KIZ: variants seen among roughly 807,000 people sequenced by gnomAD.
KIZ encodes kizuna centrosomal protein.
A neutral mutation model predicts 79.6 loss-of-function variants in KIZ; 68 were observed. That is an observed-to-expected ratio of 0.85 (90% confidence interval 0.70 to 1.05). The LOEUF (loss-of-function observed/expected upper bound fraction) is 1.05, where lower values mean the gene tolerates loss of function less well. Among genes scored for constraint, KIZ ranks in the 50% least tolerant of loss-of-function variants. The probability of loss-of-function intolerance (pLI) is 0.00; values close to 1 mark genes in which losing one functional copy is unlikely to be tolerated. For synonymous variants in KIZ, 280 were observed against 281.8 expected, an observed-to-expected ratio of 0.99 and a Z score of 0.06; for missense variants, 797 against 800.4, an observed-to-expected ratio of 1.00 and a Z score of 0.05.
chr20:21,174,596 C>G (rs539659776), intron 6 of KIZ, among the ~76,000 whole-genome samples: 24 of 152,318 alleles, frequency 1.6e-4, no homozygotes, highest in African/African-American at 4.1e-4. Context: ...TTTCCAACCT[C>G]AAATAGGCCA....
intron 3 of KIZ, among the ~76,000 whole-genome samples, chr20:21,141,246 C>T (rs114251967): frequency 0.021 from 3,265 of 151,916 alleles, 111 homozygotes; most frequent in African/African-American, 0.073. Context: ...AGGGATTTGA[C>T]GGTAAGTGGT....
chr20:21,130,319 T>G (rs1172129097), intron 1 of KIZ, among the ~76,000 whole-genome samples: 1 of 152,206 alleles, frequency 6.6e-6, no homozygotes. Flanking sequence ...AGTCGTGCTT[T>G]CTTAGGAATA....
chr20:21,227,520 A>C (rs958339572), intron 9 of KIZ, among the ~76,000 whole-genome samples: 3 of 152,122 alleles, frequency 2.0e-5, no homozygotes, highest in African/African-American at 7.2e-5. Flanking sequence ...TTTTTGGTTG[A>C]TTTTTATAAA....
rs2122310799 is a variant in KIZ, at chr20:21,132,138, A to G, written c.131A>G (p.Tyr44Cys). 1.4e-6 allele frequency: 2 copies of G among 1,472,888 alleles called. No individual in the cohort carries two copies. The highest frequency in any genetic ancestry group is 1.9e-6 in the Non-Finnish European group (2 of 1,080,948). The allele number at this position is 1,472,888 out of a possible 1,614,324, so 91.2% of individuals were successfully genotyped here. The change falls in exon 2 of 13, where the codon TAT (tyrosine) becomes TGT (cysteine). Residue 44 changes from tyrosine (Y) to cysteine (C), a missense_variant. Transcript: ENST00000619189. The stretch of plus-strand genomic sequence containing the variant: ...GACCTGGAAAAGAAACTTTATGAAT[A>G]TAATCAGTCTGATACATGCAGGTAA... Reference protein sequence around the residue: ...RLDLEKKLYEYNQSDTCRVKL... With the variant: ...RLDLEKKLYECNQSDTCRVKL...
At chr20:21,134,481 C>T (rs1210282402) in intron 2 of KIZ, among the ~76,000 whole-genome samples, 6 of 152,062 alleles carry the variant, frequency 3.9e-5, no homozygotes, top group Admixed American at 3.9e-4. Context: ...TTCATACAAA[C>T]CCTTAAAGCA....
intron 6 of KIZ, among the ~76,000 whole-genome samples, chr20:21,191,370 A>G (rs1447120508): frequency 1.3e-5 from 2 of 152,260 alleles, no homozygotes; most frequent in Admixed American, 6.5e-5. Flanking sequence ...AACTGCTTAT[A>G]AATAAATATT....
intron 4 of KIZ, among the ~76,000 whole-genome samples, chr20:21,156,380 A>T (rs1345561270): frequency 1.3e-5 from 2 of 152,234 alleles, no homozygotes; most frequent in Non-Finnish European, 2.9e-5. Flanking sequence ...ATGGTATTAC[A>T]TTGTTATCAG....
At chr20:21,131,844 G>A (rs1169464023) in intron 1 of KIZ, 1 of 324,874 alleles carries the variant, frequency 3.1e-6, no homozygotes, top group African/African-American at 2.2e-5. Context: ...TCTCCTATTG[G>A]TGTTCGTTTT....
intron 6 of KIZ, among the ~76,000 whole-genome samples, chr20:21,174,529 A>C (rs1361809037): frequency 6.6e-6 from 1 of 152,212 alleles, no homozygotes; most frequent in Non-Finnish European, 1.5e-5. Flanking sequence ...GAAAAAAGAA[A>C]AGAAAACTAA....
At chr20:21,180,234 GCTC>G (rs1201585065) in intron 6 of KIZ, among the ~76,000 whole-genome samples, 7 of 140,978 alleles carry the variant, frequency 5.0e-5, no homozygotes, top group Non-Finnish European at 7.7e-5. Flanking sequence ...TTTGCTCTTT[GCTC>G]CTTTTTTTTT....
At chr20:21,244,343 C>T (rs2037319993) in intron 12 of KIZ, 55 bp downstream of exon 12, 3 of 1,243,840 alleles carry the variant, frequency 2.4e-6, no homozygotes, top group Non-Finnish European at 3.5e-6. Context: ...CCAAAAAACT[C>T]TGTGACATGC....
chr20:21,231,061 T>C (rs966693504), intron 10 of KIZ, among the ~76,000 whole-genome samples: 1 of 152,176 alleles, frequency 6.6e-6, no homozygotes, highest in South Asian at 2.1e-4. Context: ...GGCTGGGCAC[T>C]GTGGCTCACA....
intron 4 of KIZ, chr20:21,158,706 T>C (rs1202278925): frequency 1.3e-5 from 2 of 152,148 alleles, no homozygotes; most frequent in Non-Finnish European, 2.9e-5. Context: ...ATCATGGAGG[T>C]GGAACTTCCT....
chr20:21,221,988 C>G (rs534725785), intron 9 of KIZ, among the ~76,000 whole-genome samples: 3 of 152,300 alleles, frequency 2.0e-5, no homozygotes, highest in Non-Finnish European at 4.4e-5. Context: ...ACGGGAAACC[C>G]CCAGCTTGTG....
intron 9 of KIZ, among the ~76,000 whole-genome samples, chr20:21,223,090 G>A (rs1198430098): frequency 1.3e-5 from 2 of 152,148 alleles, no homozygotes; most frequent in African/African-American, 4.8e-5. Context: ...ATAAATCATT[G>A]AGTACAAATG....
In KIZ at chr20:21,126,173, C is replaced by T; in HGVS notation, c.58C>T (p.Leu20=). 1 of 1,502,906 alleles carries T rather than the reference C, an allele frequency of 6.7e-7. No homozygotes were observed. The highest frequency in any genetic ancestry group is 8.9e-7 in the Non-Finnish European group (1 of 1,123,908). 93.1% of individuals were successfully genotyped at this position (1,502,906 alleles called of 1,614,324 possible). Residue 20 remains leucine (L), a synonymous_variant, in exon 1 of 13, where the codon CTG becomes TTG. Coordinates refer to ENST00000619189, the MANE Select transcript of KIZ (RefSeq NM_018474.6). ...PLSSPDYYER[L]GQLQHGLRDS... Reference sequence around the variant, plus strand: ...GTCGAGTCCCGACTACTACGAGAGGCTGGGCCAACTCCAGCACGGGCTGCG... The same window carrying T: ...GTCGAGTCCCGACTACTACGAGAGGTTGGGCCAACTCCAGCACGGGCTGCG...
At chr20:21,132,033 A>G (rs2031880438) in intron 1 of KIZ, 64 bp from the exon 2 acceptor site, 1 of 727,236 alleles carries the variant, frequency 1.4e-6, no homozygotes, top group Non-Finnish European at 2.4e-6. Flanking sequence ...AAAGAAGAGC[A>G]TGGTCTAAAT....
At chr20:21,230,301 A>C (rs2036792984) in intron 10 of KIZ, among the ~76,000 whole-genome samples, 1 of 152,134 alleles carries the variant, frequency 6.6e-6, no homozygotes, top group Non-Finnish European at 1.5e-5. Context: ...ATAGCAAGAC[A>C]CTGTTTTTAC....
chr20:21,223,712 C>G (rs1367634778), intron 9 of KIZ, among the ~76,000 whole-genome samples: 1 of 149,138 alleles, frequency 6.7e-6, no homozygotes, highest in Non-Finnish European at 1.5e-5. Flanking sequence ...CTCTCTCACC[C>G]AGGCTGGAGT....
Sources: allele counts gnomAD v4.1 joint callset (sites outside exome capture counted in the v4.1 genomes callset), GRCh38; gene constraint gnomAD v4.1.1; transcripts MANE v1.5; gene names NCBI Gene and HGNC (gene_info 2026-07-23, HGNC 2026-07-21).